POLR1A: variants seen among roughly 807,000 people sequenced by gnomAD.
The protein encoded by POLR1A is RNA polymerase I subunit A.
In POLR1A, 84 loss-of-function variants were observed where a neutral mutation model predicts 205.3. The observed-to-expected ratio is 0.41, with a 90% CI of 0.34 to 0.49. The LOEUF (loss-of-function observed/expected upper bound fraction) is 0.49, where lower values mean the gene tolerates loss of function less well. POLR1A is among the 20% of genes least tolerant of loss of function. POLR1A has a pLI of 0.22. For synonymous variants in POLR1A, 799 were observed against 863.7 expected (o/e 0.93, Z 1.31); for missense variants, 1,645 against 2,204.5 (o/e 0.75, Z 5.08).
At position 86,080,997 on chromosome 2, in the gene POLR1A, A is replaced by G. The variant is rs774713940; in HGVS notation, c.924-19T>C. 1 of 1,598,048 alleles carries G rather than the reference A, an allele frequency of 6.3e-7. No homozygotes were observed. The highest frequency in any genetic ancestry group is 8.5e-7 in the Non-Finnish European group (1 of 1,170,994). ...GCGATACCTGCAGGGGGACATACGG[A>G]ATAAATGAATGTTTAGTGTGAGGAA... is the stretch of plus-strand genomic sequence containing the variant. On this transcript the variant is annotated intron_variant, in intron 8 of 33. Coordinates refer to ENST00000263857, the MANE Select transcript of POLR1A (RefSeq NM_015425.6).
At chr2:86,061,337 C>T (rs907514336) in intron 14 of POLR1A, among the ~76,000 whole-genome samples, 3 of 152,200 alleles carry the variant, frequency 2.0e-5, no homozygotes, top group Admixed American at 6.5e-5. Flanking sequence ...ATCCCAGCTA[C>T]TCGAGAGGCT....
In POLR1A at chr2:86,039,439, G is replaced by A. The variant is rs1452739539; in HGVS notation, c.3764C>T (p.Ala1255Val). 13 of 1,613,990 alleles carry A rather than the reference G, an allele frequency of 8.1e-6. No individual in the cohort carries two copies. Among genetic ancestry groups the A allele is most frequent in the Non-Finnish European group, 1.1e-5 (13 of 1,180,024 alleles). Residue 1255 changes from alanine (A) to valine (V), a missense_variant, in exon 26 of 34, where the codon GCC becomes GTC. Ala to Val is a moderately conservative substitution (Grantham distance 64). Around this residue, in one of 16 missense-constraint regions of POLR1A, gnomAD observed 394 missense variants for 468.5 expected, o/e 0.84. Transcript: ENST00000263857. ...IPRLREILMV[A>V]SANIKTPMMS... Reference sequence around the variant, plus strand: ...CATGGGTGTCTTGATGTTGGCGCTGGCCACCATGAGAATCTCCCGCAACCT... The same window carrying A: ...CATGGGTGTCTTGATGTTGGCGCTGACCACCATGAGAATCTCCCGCAACCT...
chr2:86,038,054 GC>G, intron 27 of POLR1A, among the ~76,000 whole-genome samples: 2 of 152,288 alleles, frequency 1.3e-5, no homozygotes, highest in South Asian at 4.1e-4. Flanking sequence ...TTCCAGTCTT[GC>G]CCCAGTCCCC....
rs376902057 is a variant in POLR1A, at chr2:86,049,009, C to A, written c.2509G>T (p.Ala837Ser). ...TTTCCTCGGACCTCATCATATGATG[C>A]GGCTTCTGGCAGGTTTAATGCAGCC... ...VRAALNLPEAASYDEVRGKWQ... is the reference protein window; with the variant it reads ...VRAALNLPEASSYDEVRGKWQ... The change falls in exon 18 of 34, where the codon GCA becomes TCA. Residue 837 changes from alanine to serine, a missense_variant. Coordinates refer to ENST00000263857, the MANE Select transcript of POLR1A (RefSeq NM_015425.6). 4.3e-6 allele frequency: 7 copies of A among 1,614,030 alleles called. No homozygotes were observed. The highest frequency in any genetic ancestry group is 2.2e-5 in the South Asian group (2 of 91,082).
At position 86,022,608 on chromosome 2, in the gene POLR1A, G is replaced by A. The variant is rs1200841257; in HGVS notation, c.*4815C>T. ...GGCCTTGGGATCAATCTTTTTTTCA[G>A]ACGGGGTCTCACTCTTGTCACCCGA... On this transcript the variant is annotated 3_prime_UTR_variant, in exon 34 of 34. Transcript: ENST00000263857. The A allele has an allele frequency of 2.6e-5, 4 of 152,148 alleles. No homozygotes were observed. Among genetic ancestry groups the A allele is most frequent in the Non-Finnish European group, 5.9e-5 (4 of 68,052 alleles). 9.4% of individuals were successfully genotyped at this position (152,148 alleles called of 1,614,324 possible).
At chr2:86,049,128 G>C (rs1305040000) in intron 17 of POLR1A, 32 bp downstream of exon 17, 2 of 1,609,732 alleles carry the variant, frequency 1.2e-6, no homozygotes, top group Non-Finnish European at 1.7e-6. Flanking sequence ...CACCCCTCTA[G>C]GGCAGGCCAC....
intron 6 of POLR1A, among the ~76,000 whole-genome samples, chr2:86,084,524 G>A (rs1219903778): frequency 6.6e-6 from 1 of 152,082 alleles, no homozygotes; most frequent in Non-Finnish European, 1.5e-5. Context: ...TCACATATCA[G>A]GACAGGCACT....
intron 3 of POLR1A, among the ~76,000 whole-genome samples, chr2:86,094,823 C>A (rs1673676383): frequency 6.6e-6 from 1 of 152,330 alleles, no homozygotes; most frequent in African/African-American, 2.4e-5. Context: ...ACCACTCTCC[C>A]ACCACTGCCA....
At position 86,025,680 on chromosome 2, in the gene POLR1A, G is replaced by A. The variant is rs1473836282; in HGVS notation, c.*1743C>T. The A allele has an allele frequency of 6.6e-6, 1 of 152,328 alleles. No individual in the cohort carries two copies. Among genetic ancestry groups the A allele is most frequent in the East Asian group, 1.9e-4 (1 of 5,204 alleles). The allele number at this position is 152,328 out of a possible 1,614,324, so 9.4% of individuals were successfully genotyped here. On this transcript the variant is annotated 3_prime_UTR_variant, in exon 34 of 34. Coordinates refer to ENST00000263857, the MANE Select transcript of POLR1A (RefSeq NM_015425.6). ...GCCTCTGCGCCCTCAGTGCCTGGGA[G>A]AGATGGAATCCACGGACCCTGTGCC...
chr2:86,074,943 C>A, intron 12 of POLR1A, 87 bp downstream of exon 12: 2 of 897,328 alleles, frequency 2.2e-6, no homozygotes, highest in African/African-American at 1.7e-5. Context: ...TGTGTCAGTG[C>A]GCACCGGAGC....
intron 3 of POLR1A, among the ~76,000 whole-genome samples, chr2:86,090,344 C>T (rs961871688): frequency 7.1e-6 from 1 of 140,904 alleles, no homozygotes; most frequent in African/African-American, 2.7e-5. Context: ...GCCAAGATTG[C>T]ACCACTGCAC....
At chr2:86,102,534 T>C (rs1403756431) in intron 1 of POLR1A, among the ~76,000 whole-genome samples, 1 of 152,262 alleles carries the variant, frequency 6.6e-6, no homozygotes, top group African/African-American at 2.4e-5. Context: ...TCATCAGATA[T>C]ATAATTTACA....
At chr2:86,099,860 T>C in intron 2 of POLR1A, 108 bp downstream of exon 2, 1 of 827,390 alleles carries the variant, frequency 1.2e-6, no homozygotes, top group Non-Finnish European at 2.0e-6. Flanking sequence ...AATGCTTTCA[T>C]TGGAGTGCCT....
rs1672643753 is a variant in POLR1A, at chr2:86,042,983, C to T, written c.3348G>A (p.Gly1116=). The change falls in exon 23 of 34, where the codon GGG becomes GGA. Residue 1116 remains glycine (G), a synonymous_variant. Transcript: ENST00000263857. The stretch of plus-strand genomic sequence containing the variant: ...CACCTCCCTGCATCACCTCCTGAGT[C>T]CCAGGGCTGCGGCCATTGCGGTTTT... ...ESENRNGRSP[G]TQEMLRMWYE... 2 of 1,613,064 alleles carry T rather than the reference C, an allele frequency of 1.2e-6. No individual in the cohort carries two copies. The highest frequency in any genetic ancestry group is 2.2e-5 in the East Asian group (1 of 44,872).
chr2:86,052,174 G>A (rs909776568), intron 16 of POLR1A, among the ~76,000 whole-genome samples: 1 of 152,098 alleles, frequency 6.6e-6, no homozygotes, highest in African/African-American at 2.4e-5. Flanking sequence ...CGAACTCCTG[G>A]GCTCAAGTGA....
intron 18 of POLR1A, among the ~76,000 whole-genome samples, chr2:86,048,656 T>C (rs900558237): frequency 1.3e-5 from 2 of 152,168 alleles, no homozygotes; most frequent in African/African-American, 4.8e-5. Flanking sequence ...GCACAAAGCA[T>C]TCTCTCTTGG....
chr2:86,054,389 G>A, intron 14 of POLR1A, 100 bp from the exon 15 acceptor site: 1 of 1,229,970 alleles, frequency 8.1e-7, no homozygotes, highest in Non-Finnish European at 1.1e-6. Context: ...TTCCCTTTTA[G>A]GACCTCCTGC....
chr2:86,052,223 G>T (rs947711625), intron 16 of POLR1A, among the ~76,000 whole-genome samples: 2 of 152,206 alleles, frequency 1.3e-5, no homozygotes, highest in Non-Finnish European at 2.9e-5. Context: ...GGGATTACAG[G>T]TGTGATCCAC....
In POLR1A at chr2:86,027,997, G is replaced by C; in HGVS notation, c.4950C>G (p.Phe1650Leu). Residue 1650 changes from phenylalanine (F) to leucine (L), a missense_variant, in exon 33 of 34, where the codon TTC becomes TTG. Phe to Leu is a conservative substitution (Grantham distance 22). This residue lies in a region of POLR1A where 86 missense variants were observed against 149.8 expected (regional missense o/e 0.57). Coordinates refer to ENST00000263857, the MANE Select transcript of POLR1A (RefSeq NM_015425.6). The part of the protein sequence containing the change: ...HLSLVADYMC[F>L]EGVYKPLNRF... ...GATTCAGTGGCTTGTAAACACCCTC[G>C]AAGCACATATAATCAGCAACCAGGG... 1 of 1,614,180 alleles carries C rather than the reference G, an allele frequency of 6.2e-7. No individual in the cohort carries two copies.
Sources: allele counts gnomAD v4.1 joint callset (sites outside exome capture counted in the v4.1 genomes callset), GRCh38; gene constraint gnomAD v4.1.1; regional missense constraint gnomAD v4.1.1; transcripts MANE v1.5; gene names NCBI Gene and HGNC (gene_info 2026-07-23, HGNC 2026-07-21).